The following TCF7 variants were observed in gnomAD, a reference collection of about 807,000 sequenced individuals.
TCF7 encodes T-cell-factor-7.
A neutral mutation model predicts 46.8 loss-of-function variants in TCF7; 19 were observed. The observed-to-expected ratio is 0.41, with a 90% CI of 0.28 to 0.60. TCF7 has a LOEUF of 0.60. TCF7 is among the 20% of genes least tolerant of loss of function. The pLI is 0.35. For missense variants in TCF7, 547 were observed against 504.6 expected, an observed-to-expected ratio of 1.08 and a Z score of -0.81; for synonymous variants, 245 against 213.4, an observed-to-expected ratio of 1.15 and a Z score of -1.29.
chr5:134,115,478 G>A lies in TCF7; in HGVS notation c.316+91G>A, dbSNP rs1185431875. On this transcript the variant is annotated intron_variant, in intron 2 of 9. Transcript: ENST00000342854. ...CGCCAAGGACCGCGGGGAGCCGGGT[G>A]CCTCCCCCACCGCAGCTCAGGAGGC... The A allele has an allele frequency of 6.6e-6, 10 of 1,515,674 alleles. No homozygotes were observed. In the South Asian group the frequency reaches 9.9e-5, roughly 15 times the overall value. The allele number at this position is 1,515,674 out of a possible 1,614,324, so 93.9% of individuals were successfully genotyped here.
At chr5:134,129,482 G>A (rs1757808857) in intron 3 of TCF7, among the ~76,000 whole-genome samples, 1 of 152,228 alleles carries the variant, frequency 6.6e-6, no homozygotes, top group Admixed American at 6.5e-5. Flanking sequence ...GCCTGGGCTG[G>A]GGGTTGCCCA....
At chr5:134,145,893 A>G (rs1381455687) in intron 9 of TCF7, 11 of 1,565,508 alleles carry the variant, frequency 7.0e-6, no homozygotes, top group Admixed American at 3.8e-5. Flanking sequence ...GAGTCCCACA[A>G]ACACATCTGG....
At chr5:134,130,077 C>T (rs185451606) in intron 3 of TCF7, among the ~76,000 whole-genome samples, 3 of 152,326 alleles carry the variant, frequency 2.0e-5, no homozygotes, top group East Asian at 3.9e-4. Context: ...TGGAGAGCAC[C>T]GTGTCCTGGG....
upstream of TCF7, among the ~76,000 whole-genome samples, chr5:134,111,887 T>C (rs1335223718): frequency 2.6e-5 from 4 of 152,198 alleles, no homozygotes; most frequent in African/African-American, 9.7e-5. Context: ...GGTGACTTCA[T>C]CTCTCTGAGC....
At chr5:134,136,359 CCT>C (rs892672745) in intron 3 of TCF7, among the ~76,000 whole-genome samples, 11 of 152,100 alleles carry the variant, frequency 7.2e-5, no homozygotes, top group African/African-American at 1.9e-4. Context: ...GACATCAGCC[CCT>C]GTCTGCCTGA....
intron 5 of TCF7, chr5:134,140,712 A>G (rs1231140049): frequency 1.4e-5 from 6 of 442,754 alleles, no homozygotes; most frequent in Admixed American, 7.3e-5. Flanking sequence ...AGGATGGGTC[A>G]AGGCCTGCCT....
chr5:134,114,761 G>A lies in TCF7; in HGVS notation c.-146G>A. On this transcript the variant is annotated 5_prime_UTR_variant, in exon 1 of 10. Transcript: ENST00000342854. ...CCCCGCGCCCTAGCCCGCGCCTGCA[G>A]CCCGCCCAGGCGGAGTCAGCCCGCG... is the stretch of plus-strand genomic sequence containing the variant. The A allele has an allele frequency of 6.1e-6, 5 of 824,348 alleles. No individual in the cohort carries two copies. Among genetic ancestry groups the A allele is most frequent in the Non-Finnish European group, 7.3e-6 (5 of 684,876 alleles). The allele number at this position is 824,348 out of a possible 1,614,324, so 51.1% of individuals were successfully genotyped here.
chr5:134,129,646 G>A (rs909031123), intron 3 of TCF7, among the ~76,000 whole-genome samples: 8 of 152,270 alleles, frequency 5.3e-5, no homozygotes, highest in South Asian at 2.1e-4. Context: ...GCAAGTAAAC[G>A]AATGCATAGA....
At chr5:134,140,653 C>T (rs1275981902) in intron 5 of TCF7, 1 of 373,314 alleles carries the variant, frequency 2.7e-6, no homozygotes, top group African/African-American at 2.1e-5. Context: ...CACAAGCTGC[C>T]CTCTGGTGGC....
intron 4 of TCF7, 33 bp from the exon 5 acceptor site, chr5:134,138,918 C>G: frequency 1.2e-6 from 2 of 1,612,202 alleles, no homozygotes; most frequent in African/African-American, 1.3e-5. Flanking sequence ...CCAGGTCAGG[C>G]TAGCCCACTC....
intron 4 of TCF7, 51 bp from the exon 5 acceptor site, chr5:134,138,900 A>G (rs891896): frequency 0.19 from 299,630 of 1,606,242 alleles, 36,900 homozygotes; most frequent in African/African-American, 0.48. Flanking sequence ...AACTGCTGAT[A>G]TGGCCTGCCA....
intron 3 of TCF7, among the ~76,000 whole-genome samples, chr5:134,125,895 G>T (rs152406): frequency 5.9e-5 from 9 of 152,356 alleles, no homozygotes; most frequent in African/African-American, 1.7e-4. Flanking sequence ...TTGCCCTGCT[G>T]TGTGGGTTCC....
chr5:134,129,349 C>A (rs976024335), intron 3 of TCF7, among the ~76,000 whole-genome samples: 5 of 152,216 alleles, frequency 3.3e-5, no homozygotes, highest in Non-Finnish European at 7.3e-5. Flanking sequence ...ACACCTCCCT[C>A]CCCAGATCCC....
At chr5:134,144,894 T>A in intron 9 of TCF7, 6 of 1,606,552 alleles carry the variant, frequency 3.7e-6, no homozygotes, top group Non-Finnish European at 5.1e-6. Context: ...ACCATCGTTC[T>A]CCCTTTGCTT....
chr5:134,119,693 G>C (rs922392142), intron 3 of TCF7, among the ~76,000 whole-genome samples: 2 of 152,344 alleles, frequency 1.3e-5, no homozygotes, highest in East Asian at 1.9e-4. Context: ...GGCAGGTCCA[G>C]AGCGTGCCTG....
chr5:134,124,418 C>T (rs374768751), intron 3 of TCF7, among the ~76,000 whole-genome samples: 1 of 152,182 alleles, frequency 6.6e-6, no homozygotes, highest in Non-Finnish European at 1.5e-5. Flanking sequence ...CATGGGGCTC[C>T]TCTTGCCCAG....
chr5:134,133,084 C>T (rs999407579), intron 3 of TCF7, among the ~76,000 whole-genome samples: 3 of 152,138 alleles, frequency 2.0e-5, no homozygotes, highest in Admixed American at 6.5e-5. Context: ...CAGTAGAAGG[C>T]TGGACAGGCA....
chr5:134,115,105 G>A lies in TCF7; in HGVS notation c.199G>A (p.Gly67Arg), dbSNP rs2149261820. The A allele has an allele frequency of 1.6e-5, 17 of 1,042,518 alleles. No individual in the cohort carries two copies. Among genetic ancestry groups the A allele is most frequent in the Non-Finnish European group, 1.9e-5 (16 of 864,612 alleles). 64.6% of individuals were successfully genotyped at this position (1,042,518 alleles called of 1,614,324 possible). A position where few individuals can be genotyped will look rare whatever the true frequency, so the allele number is the denominator to read the frequency against. Residue 67 changes from glycine to arginine, a missense_variant, in exon 1 of 10, where the codon GGG becomes AGG. This residue lies in a region of TCF7 where 425 missense variants were observed against 349.9 expected (regional missense o/e 1.21). Transcript: ENST00000342854. ...NESEGAAGGA[G>R]IPGVPGAGAG... ...GTCCGAGGGCGCGGCCGGCGGCGCA[G>A]GGATCCCGGGGGTCCCGGGGGCCGG...
At chr5:134,110,455 A>G (rs1465091389), upstream of TCF7, among the ~76,000 whole-genome samples, 2 of 152,190 alleles carry the variant, frequency 1.3e-5, no homozygotes, top group Non-Finnish European at 2.9e-5. Context: ...GCCTTTCTGT[A>G]GGTCACAACC....
Sources: gnomAD v4.1 joint callset for allele counts (sites outside exome capture counted in the v4.1 genomes callset) on GRCh38, gnomAD v4.1.1 for gene constraint, gnomAD v4.1.1 regional missense constraint, MANE v1.5 for transcripts, NCBI Gene and HGNC (gene_info 2026-07-23, HGNC 2026-07-21) for gene names.